Variants in RSU1 observed in about 807,000 individuals in gnomAD.
The protein encoded by RSU1 is rsu-1.
Under a neutral mutation model 31.1 loss-of-function variants are expected in RSU1, and 26 were observed. The ratio of observed to expected loss-of-function variants is 0.84; its 90% confidence interval spans 0.61 to 1.16. RSU1 has a LOEUF of 1.16. RSU1 is among the 50% of genes most tolerant of loss of function. The probability of loss-of-function intolerance (pLI) is 0.00; values close to 1 mark genes in which losing one functional copy is unlikely to be tolerated. For missense variants in RSU1, 320 were observed against 339.1 expected, an observed-to-expected ratio of 0.94 and a Z score of 0.44; for synonymous variants, 164 against 136.3, an observed-to-expected ratio of 1.20 and a Z score of -1.41.
chr10:16,817,108 C>T (rs746972295), intron 1 of RSU1, 24 bp from the exon 2 acceptor site: 3 of 1,528,238 alleles, frequency 2.0e-6, no homozygotes, highest in East Asian at 2.2e-5. Context: ...CAACAAAGCA[C>T]GTGGGCGATG....
At chr10:16,596,954 C>T (rs1323581039) in intron 8 of RSU1, among the ~76,000 whole-genome samples, 1 of 152,170 alleles carries the variant, frequency 6.6e-6, no homozygotes, top group African/African-American at 2.4e-5. Context: ...AACTCCTGAC[C>T]TCAAACGATC....
At chr10:16,784,414 A>C (rs1280568369) in intron 2 of RSU1, among the ~76,000 whole-genome samples, 1 of 152,186 alleles carries the variant, frequency 6.6e-6, no homozygotes, top group Non-Finnish European at 1.5e-5. Context: ...TTTATAAGAA[A>C]AGAAGTTTAT....
Position 16,593,243 on chromosome 10 carries a change from A to G in RSU1, c.*151T>C. The G allele has an allele frequency of 7.2e-7, 1 of 1,379,872 alleles. No homozygotes were observed. The highest frequency in any genetic ancestry group is 9.6e-7 in the Non-Finnish European group (1 of 1,044,130). The allele number at this position is 1,379,872 out of a possible 1,614,324, so 85.5% of individuals were successfully genotyped here. The stretch of plus-strand genomic sequence containing the variant: ...TCTCCCACCTAGCAAAAGAATCTAA[A>G]AGGTAAGGTGGGAAGCATTAGAAAG... On this transcript the variant is annotated 3_prime_UTR_variant, in exon 9 of 9. Transcript: ENST00000345264.
At chr10:16,805,228 C>T (rs1388762034) in intron 2 of RSU1, among the ~76,000 whole-genome samples, 4 of 151,158 alleles carry the variant, frequency 2.6e-5, no homozygotes, top group South Asian at 4.2e-4. Flanking sequence ...ATAATAATAA[C>T]GCATCAATAT....
chr10:16,679,731 C>T (rs1466679994), intron 8 of RSU1, among the ~76,000 whole-genome samples: 2 of 152,090 alleles, frequency 1.3e-5, no homozygotes, highest in Non-Finnish European at 2.9e-5. Context: ...TGTCTGAAGG[C>T]TCTCTATTGC....
At chr10:16,795,420 C>T (rs950550780) in intron 2 of RSU1, among the ~76,000 whole-genome samples, 3 of 150,792 alleles carry the variant, frequency 2.0e-5, no homozygotes, top group African/African-American at 4.9e-5. Context: ...CTAATGCTTA[C>T]CAAATGCTTA....
chr10:16,747,778 A>ATT (rs1179748252), intron 7 of RSU1, among the ~76,000 whole-genome samples: 5 of 152,222 alleles, frequency 3.3e-5, no homozygotes, highest in African/African-American at 1.2e-4. Context: ...CATGCCTGTA[A>ATT]TCCCAGTGCT....
intron 2 of RSU1, among the ~76,000 whole-genome samples, chr10:16,797,642 G>C (rs1385299997): frequency 6.6e-6 from 1 of 151,294 alleles, no homozygotes. Context: ...TTCAAAACAA[G>C]GTAAAAAGCC....
At chr10:16,709,604 T>C (rs995187142) in intron 7 of RSU1, among the ~76,000 whole-genome samples, 1 of 152,200 alleles carries the variant, frequency 6.6e-6, no homozygotes, top group Non-Finnish European at 1.5e-5. Context: ...TAGTTTACAG[T>C]CCCACCAACA....
chr10:16,680,132 C>G (rs1835302867), intron 8 of RSU1, among the ~76,000 whole-genome samples: 1 of 151,900 alleles, frequency 6.6e-6, no homozygotes, highest in Non-Finnish European at 1.5e-5. Context: ...TCTGCCTGCC[C>G]TCGCCTCCCA....
chr10:16,694,043 G>T (rs923967419), intron 8 of RSU1, among the ~76,000 whole-genome samples: 1 of 152,050 alleles, frequency 6.6e-6, no homozygotes, highest in African/African-American at 2.4e-5. Flanking sequence ...GCAGCTGGGG[G>T]CTGGGATAAG....
At chr10:16,792,859 C>T (rs1837954405) in intron 2 of RSU1, among the ~76,000 whole-genome samples, 1 of 152,344 alleles carries the variant, frequency 6.6e-6, no homozygotes, top group Non-Finnish European at 1.5e-5. Flanking sequence ...AGAGGCTCCA[C>T]AGGAATGTGG....
At chr10:16,717,748 A>G (rs1427873733) in intron 7 of RSU1, among the ~76,000 whole-genome samples, 1 of 152,238 alleles carries the variant, frequency 6.6e-6, no homozygotes, top group Non-Finnish European at 1.5e-5. Context: ...CTCAAGAAAA[A>G]TGAAAGCAAA....
At chr10:16,664,433 G>T (rs1030373367) in intron 8 of RSU1, among the ~76,000 whole-genome samples, 2 of 152,218 alleles carry the variant, frequency 1.3e-5, no homozygotes, top group African/African-American at 4.8e-5. Flanking sequence ...AAGCAAGGAA[G>T]TGTTACATAC....
chr10:16,636,553 T>A (rs977793728), intron 8 of RSU1, among the ~76,000 whole-genome samples: 1 of 152,152 alleles, frequency 6.6e-6, no homozygotes, highest in African/African-American at 2.4e-5. Context: ...TTTACCTCCT[T>A]GTAGCAGTGA....
chr10:16,726,993 A>G, intron 7 of RSU1: 2 of 448,926 alleles, frequency 4.5e-6, no homozygotes, highest in Middle Eastern at 3.5e-4. Context: ...ATCAAAAGCA[A>G]CACTCTGAAC....
At chr10:16,647,381 G>C (rs1049871376) in intron 8 of RSU1, among the ~76,000 whole-genome samples, 1 of 152,156 alleles carries the variant, frequency 6.6e-6, no homozygotes, top group Admixed American at 6.5e-5. Context: ...CATTTGACCC[G>C]GCAATTCCAC....
intron 7 of RSU1, among the ~76,000 whole-genome samples, chr10:16,713,649 T>C (rs1280277566): frequency 1.3e-5 from 2 of 152,248 alleles, no homozygotes; most frequent in East Asian, 3.8e-4. Context: ...TGAGTTTCCT[T>C]AAGATTATCT....
chr10:16,680,328 C>G (rs1835306328), intron 8 of RSU1, among the ~76,000 whole-genome samples: 1 of 151,874 alleles, frequency 6.6e-6, no homozygotes, highest in Non-Finnish European at 1.5e-5. Context: ...AATCTGAATA[C>G]CATTTTCCCA....
Sources: gnomAD v4.1 joint callset for allele counts (sites outside exome capture counted in the v4.1 genomes callset) on GRCh38, gnomAD v4.1.1 for gene constraint, MANE v1.5 for transcripts, NCBI Gene and HGNC (gene_info 2026-07-23, HGNC 2026-07-21) for gene names.